KIAA0319L: variants seen among roughly 807,000 people sequenced by gnomAD.
The protein encoded by KIAA0319L is KIAA0319 like, also known as dyslexia-associated protein KIAA0319-like protein.
A neutral mutation model predicts 120.1 loss-of-function variants in KIAA0319L; 55 were observed. The observed-to-expected ratio is 0.46, with a 90% CI of 0.37 to 0.57. KIAA0319L has a LOEUF of 0.57. KIAA0319L is among the 20% of genes least tolerant of loss of function. The pLI, the probability that KIAA0319L is intolerant of heterozygous loss-of-function variation, is 0.00. For synonymous variants in KIAA0319L, 398 were observed against 471.9 expected, an observed-to-expected ratio of 0.84 and a Z score of 2.03; for missense variants, 1,049 against 1,255.3, an observed-to-expected ratio of 0.84 and a Z score of 2.48.
chr1:35,526,131 A>C (rs1646117028), intron 2 of KIAA0319L, among the ~76,000 whole-genome samples: 1 of 151,894 alleles, frequency 6.6e-6, no homozygotes, highest in African/African-American at 2.4e-5. Flanking sequence ...CCTCTGTCAA[A>C]AATCAATTGG....
At chr1:35,440,703 G>A (rs1427507777) in intron 20 of KIAA0319L, 2 of 283,888 alleles carry the variant, frequency 7.0e-6, no homozygotes, top group Non-Finnish European at 1.4e-5. Flanking sequence ...AGCACAGACT[G>A]GTCAGCAGTA....
chr1:35,434,743 T>A lies in KIAA0319L; in HGVS notation c.*151A>T. ...TTCGTTGAGGGGTTCCTGGAGGACG[T>A]CTCTGGATTCAAGTCCCAGGGGTTC... On this transcript the variant is annotated 3_prime_UTR_variant, in exon 21 of 21. Transcript: ENST00000325722. 1 of 623,856 alleles carries A rather than the reference T, an allele frequency of 1.6e-6. No homozygotes were observed. The highest frequency in any genetic ancestry group is 2.7e-6 in the Non-Finnish European group (1 of 364,184). 38.6% of individuals were successfully genotyped at this position (623,856 alleles called of 1,614,324 possible).
intron 2 of KIAA0319L, chr1:35,510,963 C>T (rs151241422): frequency 1.3e-5 from 2 of 152,072 alleles, no homozygotes; most frequent in African/African-American, 4.8e-5. Context: ...AGAGATAACT[C>T]AACTTTGTTG....
intron 2 of KIAA0319L, among the ~76,000 whole-genome samples, chr1:35,531,281 G>A (rs940096842): frequency 6.6e-6 from 1 of 152,222 alleles, no homozygotes; most frequent in Non-Finnish European, 1.5e-5. Context: ...CAGCCTCCCT[G>A]ATACACTACA....
rs369915733 is a variant in KIAA0319L, at chr1:35,455,994, AG to A, written c.1656+18del. 5.9e-4 allele frequency: 923 copies of A among 1,575,652 alleles called. 4 individuals are homozygous for A. The African/African-American group carries it at 8.2e-3, about 14-fold the overall frequency. ...CTACTTCTCTTGGGCAAGAAAAAATAGGAACCATTCCCTCCTACCTGCATCT... is the reference window on the plus strand; with the variant it reads ...CTACTTCTCTTGGGCAAGAAAAAATAGAACCATTCCCTCCTACCTGCATCT... On this transcript the variant is annotated intron_variant, in intron 10 of 20. Coordinates refer to ENST00000325722, the MANE Select transcript of KIAA0319L (RefSeq NM_024874.5).
At chr1:35,504,370 G>T (rs536665711) in intron 3 of KIAA0319L, among the ~76,000 whole-genome samples, 1 of 151,996 alleles carries the variant, frequency 6.6e-6, no homozygotes, top group Admixed American at 6.6e-5. Flanking sequence ...CTAACTTTTT[G>T]TATTTTTAGT....
chr1:35,521,627 C>A (rs1645919215), intron 2 of KIAA0319L, among the ~76,000 whole-genome samples: 1 of 148,296 alleles, frequency 6.7e-6, no homozygotes, highest in Non-Finnish European at 1.5e-5. Context: ...GAGAGAGACT[C>A]CGTCTCAAAA....
At chr1:35,450,099 G>A (rs1641943103) in intron 14 of KIAA0319L, 94 bp from the exon 15 acceptor site, 1 of 1,465,920 alleles carries the variant, frequency 6.8e-7, no homozygotes, top group African/African-American at 1.4e-5. Flanking sequence ...GGCCCTTCAG[G>A]GCTGAACTGT....
At chr1:35,451,466 T>TA (rs1642057587) in intron 13 of KIAA0319L, among the ~76,000 whole-genome samples, 162 bp downstream of exon 13, 1 of 151,878 alleles carries the variant, frequency 6.6e-6, no homozygotes, top group Non-Finnish European at 1.5e-5. Context: ...ACAGTCCAAT[T>TA]AAAGGCTGTT....
intron 14 of KIAA0319L, among the ~76,000 whole-genome samples, 174 bp from the exon 15 acceptor site, chr1:35,450,179 A>C (rs2149088126): frequency 6.6e-6 from 1 of 152,284 alleles, no homozygotes; most frequent in South Asian, 2.1e-4. Context: ...GGGAAGGGAA[A>C]CCCATTCTGT....
intron 2 of KIAA0319L, among the ~76,000 whole-genome samples, chr1:35,537,894 T>C (rs1212721673): frequency 6.6e-6 from 1 of 152,152 alleles, no homozygotes; most frequent in Non-Finnish European, 1.5e-5. Flanking sequence ...TTCTCTAGAC[T>C]TACAGAGCTG....
intron 2 of KIAA0319L, among the ~76,000 whole-genome samples, chr1:35,537,459 AT>A (rs1646624469): frequency 6.7e-6 from 1 of 148,416 alleles, no homozygotes; most frequent in South Asian, 2.1e-4. Flanking sequence ...CAGCAGAAAT[AT>A]GTAAATTAAA....
At chr1:35,452,433 C>G (rs1204570094) in intron 12 of KIAA0319L, among the ~76,000 whole-genome samples, 1 of 152,164 alleles carries the variant, frequency 6.6e-6, no homozygotes, top group Admixed American at 6.5e-5. Context: ...AGCCAGAGAG[C>G]CCTCTGCTCA....
At chr1:35,475,911 GC>G (rs1643885711) in intron 4 of KIAA0319L, among the ~76,000 whole-genome samples, 4 of 152,122 alleles carry the variant, frequency 2.6e-5, no homozygotes, top group Non-Finnish European at 1.5e-5. Context: ...GTTCCACAAA[GC>G]CACGGTCTAC....
chr1:35,481,862 T>C (rs1048062764), intron 3 of KIAA0319L, among the ~76,000 whole-genome samples: 6 of 131,712 alleles, frequency 4.6e-5, no homozygotes, highest in African/African-American at 1.7e-4. Context: ...TCTTGCTCTG[T>C]CGCCCAGGCT....
At chr1:35,508,423 A>G (rs992260762) in intron 2 of KIAA0319L, among the ~76,000 whole-genome samples, 1 of 152,226 alleles carries the variant, frequency 6.6e-6, no homozygotes. Flanking sequence ...TCTGACTCCC[A>G]CGGAATACTT....
intron 3 of KIAA0319L, among the ~76,000 whole-genome samples, chr1:35,486,220 A>C (rs1269115578): frequency 2.6e-5 from 4 of 151,934 alleles, no homozygotes; most frequent in Non-Finnish European, 5.9e-5. Context: ...CCGTGTCTAC[A>C]AAAAATATAA....
At chr1:35,440,943 A>C (rs536581169) in intron 20 of KIAA0319L, 104 bp downstream of exon 20, 38 of 911,994 alleles carry the variant, frequency 4.2e-5, no homozygotes, top group Non-Finnish European at 6.6e-5. Context: ...AATGCTTTGC[A>C]AGCACAGTGG....
At chr1:35,447,902 C>T (rs568864967) in intron 16 of KIAA0319L, among the ~76,000 whole-genome samples, 108 of 152,280 alleles carry the variant, frequency 7.1e-4, no homozygotes, top group African/African-American at 1.2e-3. Flanking sequence ...AAACCCACAC[C>T]GTACTAATGT....
Sources: gnomAD v4.1 joint callset for allele counts (sites outside exome capture counted in the v4.1 genomes callset) on GRCh38, gnomAD v4.1.1 for gene constraint, MANE v1.5 for transcripts, NCBI Gene and HGNC (gene_info 2026-07-23, HGNC 2026-07-21) for gene names.